NEK7: variants seen among roughly 807,000 people sequenced by gnomAD.
NEK7 encodes the protein serine/threonine-protein kinase Nek7.
In NEK7, 18 loss-of-function variants were observed where a neutral mutation model predicts 44.6. That is an observed-to-expected ratio of 0.40 (90% CI 0.28 to 0.60). The LOEUF is 0.60. NEK7 is among the 20% of genes least tolerant of loss of function. NEK7 has a pLI of 0.38. For missense variants in NEK7, 256 were observed against 366.5 expected (o/e 0.70, Z 2.46); for synonymous variants, 130 against 121.1 (o/e 1.07, Z -0.48).
In NEK7 at chr1:198,185,190, ATTTTTTTTT is replaced by A. The variant is rs919588030; in HGVS notation, c.-29+27929_-29+27937del. On this transcript the variant is annotated intron_variant, in intron 1 of 9. Coordinates refer to ENST00000367385, the MANE Select transcript of NEK7 (RefSeq NM_133494.3). ...TTTTACATAGTAGTACATGCTGTCT[ATTTTTTTTT>A]TTTTTTTTTTTTTTGGTCAGAAGAG... 1.3e-4 allele frequency among the ~76,000 whole-genome samples: 11 copies of A among 83,848 alleles called. No individual in the cohort carries two copies. In the Admixed American group the frequency reaches 1.5e-3, roughly 12 times the overall value. 55.0% of individuals were successfully genotyped at this position (83,848 alleles called of 152,430 possible).
chr1:198,195,600 C>T (rs1571520298), intron 1 of NEK7, among the ~76,000 whole-genome samples: 1 of 152,168 alleles, frequency 6.6e-6, no homozygotes, highest in African/African-American at 2.4e-5. Context: ...GTGGCCGGAT[C>T]ACCTGAGGTC....
intron 2 of NEK7, among the ~76,000 whole-genome samples, chr1:198,247,559 TC>T (rs1487532218): frequency 6.6e-6 from 1 of 152,204 alleles, no homozygotes; most frequent in East Asian, 1.9e-4. Flanking sequence ...ATAAGAATTA[TC>T]TTATGGACCT....
intron 1 of NEK7, among the ~76,000 whole-genome samples, chr1:198,193,365 A>C (rs1665134697): frequency 6.6e-6 from 1 of 152,174 alleles, no homozygotes; most frequent in Non-Finnish European, 1.5e-5. Flanking sequence ...TATACAGCTG[A>C]AATCTATGGG....
intron 1 of NEK7, among the ~76,000 whole-genome samples, chr1:198,187,577 T>G (rs1027581842): frequency 2.0e-5 from 3 of 152,166 alleles, no homozygotes; most frequent in Non-Finnish European, 2.9e-5. Flanking sequence ...AGTAGCAATA[T>G]CCAAGATGGC....
At chr1:198,311,587 C>T (rs1311972130) in intron 9 of NEK7, among the ~76,000 whole-genome samples, 2 of 151,730 alleles carry the variant, frequency 1.3e-5, no homozygotes, top group Non-Finnish European at 2.9e-5. Flanking sequence ...TCATAGATAG[C>T]TCTTATTATT....
chr1:198,318,594 A>C (rs1028029200), intron 9 of NEK7, among the ~76,000 whole-genome samples: 2 of 152,212 alleles, frequency 1.3e-5, no homozygotes, highest in African/African-American at 4.8e-5. Context: ...GCAAAAGAAT[A>C]TAGTTTTTCC....
At chr1:198,302,827 T>C (rs1181000946) in intron 9 of NEK7, among the ~76,000 whole-genome samples, 1 of 152,180 alleles carries the variant, frequency 6.6e-6, no homozygotes. Context: ...AGACAATGTT[T>C]AGAGCAAACA....
chr1:198,225,530 A>G (rs570371696), intron 1 of NEK7, among the ~76,000 whole-genome samples: 43 of 152,274 alleles, frequency 2.8e-4, no homozygotes, highest in South Asian at 4.1e-4. Context: ...TCTTTCAAAG[A>G]TAGTGAACTT....
In NEK7 at chr1:198,232,598, A is replaced by G; in HGVS notation, c.18A>G (p.Gln6=). 1.2e-6 allele frequency: 2 copies of G among 1,606,398 alleles called. No homozygotes were observed. The highest frequency in any genetic ancestry group is 1.7e-4 in the Middle Eastern group (1 of 6,030). The change falls in exon 2 of 10, where the codon CAA becomes CAG. Residue 6 remains glutamine (Q), a synonymous_variant. Coordinates refer to ENST00000367385, the MANE Select transcript of NEK7 (RefSeq NM_133494.3). MDEQS[Q]GMQGPPVPQF... ...TTCAGACAATGGATGAGCAATCACA[A>G]GGAATGCAAGGGCCACCTGTTCCTC...
chr1:198,230,928 C>T (rs183649355), intron 1 of NEK7, among the ~76,000 whole-genome samples: 7 of 151,954 alleles, frequency 4.6e-5, no homozygotes, highest in Admixed American at 2.0e-4. Flanking sequence ...ATGAGATAGT[C>T]TGTGTTCATG....
At chr1:198,243,148 C>T (rs1666737103) in intron 2 of NEK7, among the ~76,000 whole-genome samples, 1 of 152,044 alleles carries the variant, frequency 6.6e-6, no homozygotes, top group African/African-American at 2.4e-5. Flanking sequence ...ATTTTTTAGT[C>T]TCTGTGTAAA....
chr1:198,262,524 C>A, intron 3 of NEK7, 51 bp from the exon 4 acceptor site: 2 of 1,131,816 alleles, frequency 1.8e-6, no homozygotes, highest in Non-Finnish European at 1.3e-6. Context: ...TACACAATAG[C>A]TTGAACCATA....
intron 2 of NEK7, among the ~76,000 whole-genome samples, chr1:198,250,538 T>C (rs1428400888): frequency 3.4e-5 from 5 of 145,192 alleles, no homozygotes; most frequent in African/African-American, 7.7e-5. Context: ...CATTTGTTTG[T>C]ATCCTCTTTT....
intron 2 of NEK7, among the ~76,000 whole-genome samples, chr1:198,250,311 T>A (rs538199527): frequency 4.7e-5 from 7 of 149,918 alleles, no homozygotes; most frequent in African/African-American, 1.7e-4. Flanking sequence ...AGTCAGGTAG[T>A]GTGATGCCTC....
chr1:198,316,514 A>G (rs750702669), intron 9 of NEK7, among the ~76,000 whole-genome samples: 13 of 152,166 alleles, frequency 8.5e-5, no homozygotes, highest in Non-Finnish European at 1.9e-4. Flanking sequence ...AGAGGAAAGT[A>G]ATTATTTCCT....
intron 2 of NEK7, among the ~76,000 whole-genome samples, chr1:198,252,037 C>G (rs1382708822): frequency 1.3e-5 from 2 of 152,014 alleles, no homozygotes; most frequent in African/African-American, 2.4e-5. Context: ...CCTCTACACA[C>G]TGCTTTGAAT....
At position 198,248,856 on chromosome 1, in the gene NEK7, G is replaced by T. The variant is rs72731911; in HGVS notation, c.58-4184G>T. Among the ~76,000 whole-genome samples the T allele has an allele frequency of 2.6e-5, 4 of 151,218 alleles. No homozygotes were observed. In the South Asian group the frequency reaches 6.3e-4, roughly 24 times the overall value. On this transcript the variant is annotated intron_variant, in intron 2 of 9. Coordinates refer to ENST00000367385, the MANE Select transcript of NEK7 (RefSeq NM_133494.3). ...AAGGAGTTCTTTTTTTGTGTGTGTGGGTTCTGCAATTGCTTTTATTTTATT... is the reference window on the plus strand; with the variant it reads ...AAGGAGTTCTTTTTTTGTGTGTGTGTGTTCTGCAATTGCTTTTATTTTATT...
intron 7 of NEK7, among the ~76,000 whole-genome samples, chr1:198,287,087 T>TTTTAATAGACTAA (rs1654394467): frequency 2.0e-5 from 3 of 152,178 alleles, no homozygotes; most frequent in Non-Finnish European, 4.4e-5. Flanking sequence ...TGTAACGCCA[T>TTTTAATAGACTAA]TTTAATAGAC....
rs1663914877 is a variant in NEK7 at position 198,157,168 on chromosome 1, C to A, written c.-137C>A. The A allele has an allele frequency of 6.6e-6, 1 of 151,708 alleles. No individual in the cohort carries two copies. The highest frequency in any genetic ancestry group is 2.4e-5 in the African/African-American group (1 of 41,362). The allele number at this position is 151,708 out of a possible 1,614,324, so 9.4% of individuals were successfully genotyped here. A position where few individuals can be genotyped will look rare whatever the true frequency, so the allele number is the denominator to read the frequency against. ...GGTGGCCGACAGGCTCCGGGCCTCG[C>A]AGCCTCAGCCCCCGGCCCAGCGCGC... On this transcript the variant is annotated 5_prime_UTR_variant, in exon 1 of 10. Transcript: ENST00000367385.
Sources: allele counts gnomAD v4.1 joint callset (sites outside exome capture counted in the v4.1 genomes callset), GRCh38; gene constraint gnomAD v4.1.1; transcripts MANE v1.5; gene names NCBI Gene and HGNC (gene_info 2026-07-23, HGNC 2026-07-21).